CFAP44: variants seen among roughly 807,000 people sequenced by gnomAD.
CFAP44 encodes cilia- and flagella-associated protein 44.
CFAP44 carries 134 observed loss-of-function variants against 216.2 expected under a neutral mutation model. The ratio of observed to expected loss-of-function variants is 0.62; its 90% CI spans 0.54 to 0.72. CFAP44 has a LOEUF of 0.72. Among genes scored for constraint, CFAP44 ranks in the 30% least tolerant of loss-of-function variants. CFAP44 has a pLI of 0.00. For synonymous variants in CFAP44, 700 were observed against 727.6 expected (o/e 0.96, Z 0.61); for missense variants, 2,035 against 2,182.1 (o/e 0.93, Z 1.34).
intron 12 of CFAP44, 36 bp from the exon 13 acceptor site, chr3:113,400,036 A>C: frequency 7.3e-7 from 1 of 1,373,528 alleles, no homozygotes; most frequent in Non-Finnish European, 9.8e-7. Context: ...AAAAAATTAT[A>C]TACATAATTT....
chr3:113,357,841 G>A (rs1213705108), intron 22 of CFAP44, among the ~76,000 whole-genome samples: 1 of 152,078 alleles, frequency 6.6e-6, no homozygotes, highest in Non-Finnish European at 1.5e-5. Flanking sequence ...CCACAACTGA[G>A]TATATAACCA....
chr3:113,323,430 A>G (rs959526492), intron 28 of CFAP44, among the ~76,000 whole-genome samples: 2 of 152,212 alleles, frequency 1.3e-5, no homozygotes, highest in African/African-American at 4.8e-5. Flanking sequence ...ACACATGGAC[A>G]TAAGCACGGG....
chr3:113,363,629 G>T (rs747534432), intron 19 of CFAP44, 97 bp from the exon 20 acceptor site: 4 of 1,131,192 alleles, frequency 3.5e-6, no homozygotes, highest in Non-Finnish European at 4.8e-6. Context: ...AAATTGGTTC[G>T]GTTTTCTTTT....
intron 3 of CFAP44, 74 bp from the exon 4 acceptor site, chr3:113,426,351 T>A: frequency 6.6e-7 from 1 of 1,510,002 alleles, no homozygotes; most frequent in Non-Finnish European, 9.0e-7. Context: ...ACTTGAATTG[T>A]AGTTCCCATA....
At chr3:113,362,758 G>T in intron 21 of CFAP44, 1 of 393,492 alleles carries the variant, frequency 2.5e-6, no homozygotes, top group Non-Finnish European at 4.0e-6. Context: ...ATGACGTTTA[G>T]CCATAGTTCC....
chr3:113,294,803 G>A lies in CFAP44; in HGVS notation c.5257C>T (p.Arg1753Ter), dbSNP rs1303765259. Residue 1753 changes from arginine (R) to a stop codon, truncating the protein, a stop_gained, in exon 34 of 35, where the codon CGA becomes TGA. Coordinates refer to ENST00000393845, the MANE Select transcript of CFAP44 (RefSeq NM_001164496.2). LOFTEE classifies it high-confidence loss of function. Reference sequence around the variant, plus strand: ...TTTGTCTTCATCATCAGTTCCCATCGCATTTGAGCAATCTTTTCCTACCAG... The same window carrying A: ...TTTGTCTTCATCATCAGTTCCCATCACATTTGAGCAATCTTTTCCTACCAG... ...KMWEEKIAQM[R>*]WELMMKTKEH... is the part of the protein sequence containing the mutation. The A allele has an allele frequency of 1.2e-5, 18 of 1,531,248 alleles. No homozygotes were observed. The highest frequency in any genetic ancestry group is 1.7e-4 in the Middle Eastern group (1 of 5,970). The allele number at this position is 1,531,248 out of a possible 1,614,324, so 94.9% of individuals were successfully genotyped here.
intron 21 of CFAP44, chr3:113,362,703 T>C: frequency 3.1e-6 from 1 of 325,574 alleles, no homozygotes; most frequent in Non-Finnish European, 5.9e-6. Context: ...CACACAGTCT[T>C]CCGATAGCAA....
At chr3:113,434,952 T>C (rs1935200025) in intron 1 of CFAP44, 1 of 152,232 alleles carries the variant, frequency 6.6e-6, no homozygotes, top group Admixed American at 6.5e-5. Context: ...TCCCTTCAAG[T>C]GGGCACTAGG....
At chr3:113,295,157 A>G (rs530338460) in intron 33 of CFAP44, among the ~76,000 whole-genome samples, 33 of 152,312 alleles carry the variant, frequency 2.2e-4, no homozygotes, top group African/African-American at 7.9e-4. Flanking sequence ...ACTTTTCTGT[A>G]TTGCTTTTTC....
At chr3:113,401,385 A>G in intron 10 of CFAP44, 98 bp from the exon 11 acceptor site, 1 of 1,251,356 alleles carries the variant, frequency 8.0e-7, no homozygotes, top group Non-Finnish European at 1.1e-6. Context: ...GACAAGCAAT[A>G]ATATCAAAAG....
At chr3:113,335,825 C>A (rs1950277680) in intron 24 of CFAP44, among the ~76,000 whole-genome samples, 1 of 152,204 alleles carries the variant, frequency 6.6e-6, no homozygotes, top group Non-Finnish European at 1.5e-5. Context: ...CGTAGATAGA[C>A]TGTATATGCG....
chr3:113,331,933 G>T (rs1950244701), intron 25 of CFAP44, among the ~76,000 whole-genome samples: 1 of 152,042 alleles, frequency 6.6e-6, no homozygotes, highest in Non-Finnish European at 1.5e-5. Context: ...TTGTTAATTG[G>T]TATTAATACT....
Position 113,290,356 on chromosome 3 carries a change from A to G in CFAP44, c.*1201T>C, listed in dbSNP as rs1212818474. On this transcript the variant is annotated 3_prime_UTR_variant, in exon 35 of 35. Coordinates refer to ENST00000393845, the MANE Select transcript of CFAP44 (RefSeq NM_001164496.2). ...CTAAGAATATGCTGATGTACAAAGA[A>G]AGCAAGACCTGTCTGTAATTTTGGG... 2.0e-5 allele frequency: 3 copies of G among 152,204 alleles called. No individual in the cohort carries two copies. Among genetic ancestry groups the G allele is most frequent in the Non-Finnish European group, 4.4e-5 (3 of 68,030 alleles). 9.4% of individuals were successfully genotyped at this position (152,204 alleles called of 1,614,324 possible).
At chr3:113,352,107 G>A (rs887680754) in intron 22 of CFAP44, among the ~76,000 whole-genome samples, 3 of 152,182 alleles carry the variant, frequency 2.0e-5, no homozygotes, top group South Asian at 2.1e-4. Context: ...GGGTCAAGTG[G>A]GGACTTGGAG....
intron 6 of CFAP44, among the ~76,000 whole-genome samples, chr3:113,411,531 C>T (rs1206224346): frequency 6.6e-6 from 1 of 152,166 alleles, no homozygotes; most frequent in East Asian, 1.9e-4. Context: ...CAGTACCATG[C>T]TGTTTTGGTT....
intron 21 of CFAP44, among the ~76,000 whole-genome samples, chr3:113,359,963 T>C (rs1480390180): frequency 6.6e-6 from 1 of 152,044 alleles, no homozygotes; most frequent in African/African-American, 2.4e-5. Context: ...TGATAAATTA[T>C]AGAAATAGAA....
intron 15 of CFAP44, among the ~76,000 whole-genome samples, chr3:113,385,592 G>A (rs1330509734): frequency 2.0e-5 from 3 of 152,068 alleles, no homozygotes; most frequent in South Asian, 2.1e-4. Flanking sequence ...GAACACATCT[G>A]TTAGGGCTAT....
At chr3:113,308,861 C>G (rs1297332512) in intron 28 of CFAP44, among the ~76,000 whole-genome samples, 2 of 152,106 alleles carry the variant, frequency 1.3e-5, no homozygotes, top group Admixed American at 1.3e-4. Context: ...ACAACTGGGC[C>G]CCACAAAGTG....
chr3:113,313,864 C>T (rs775232), intron 28 of CFAP44, among the ~76,000 whole-genome samples: 4 of 151,954 alleles, frequency 2.6e-5, no homozygotes, highest in African/African-American at 9.7e-5. Context: ...TCTTCCCAGT[C>T]TTGAGTATGT....
Sources: gnomAD v4.1 joint callset for allele counts (sites outside exome capture counted in the v4.1 genomes callset) on GRCh38, gnomAD v4.1.1 for gene constraint, MANE v1.5 for transcripts, NCBI Gene and HGNC (gene_info 2026-07-23, HGNC 2026-07-21) for gene names.